Variants in VSIR observed in about 807,000 individuals in gnomAD.
The protein encoded by VSIR is V-set immunoregulatory receptor, also known as V-type immunoglobulin domain-containing suppressor of T-cell activation.
VSIR carries 10 observed loss-of-function variants against 31.0 expected under a neutral mutation model. The ratio of observed to expected loss-of-function variants is 0.32; its 90% CI spans 0.20 to 0.55. The LOEUF (loss-of-function observed/expected upper bound fraction) is 0.55, where lower values mean the gene tolerates loss of function less well. Among genes scored for constraint, VSIR ranks in the 20% least tolerant of loss-of-function variants. The pLI is 0.93. For missense variants in VSIR, 356 were observed against 416.2 expected, an observed-to-expected ratio of 0.86 and a Z score of 1.26; for synonymous variants, 179 against 180.1, an observed-to-expected ratio of 0.99 and a Z score of 0.05.
At position 71,755,786 on chromosome 10, in the gene VSIR, C is replaced by T. The variant is rs924567333; in HGVS notation, c.569-320G>A. On this transcript the variant is annotated intron_variant, in intron 3 of 6. Transcript: ENST00000394957. The stretch of plus-strand genomic sequence containing the variant: ...GGTACAGCTGGAACACCCTTGGCTA[C>T]AGGTTGTTCTCTGAAAAGGGAGAGC... 2.0e-5 allele frequency among the ~76,000 whole-genome samples: 3 copies of T among 152,288 alleles called. No homozygotes were observed. In the East Asian group the frequency reaches 5.8e-4, roughly 29 times the overall value.
intron 3 of VSIR, among the ~76,000 whole-genome samples, chr10:71,756,252 T>C (rs1840144468): frequency 6.6e-6 from 1 of 152,238 alleles, no homozygotes; most frequent in Non-Finnish European, 1.5e-5. Context: ...TTTTGTGTTA[T>C]GGTCCTAGTT....
intron 2 of VSIR, 112 bp downstream of exon 2, chr10:71,761,486 A>C (rs1840382709): frequency 3.4e-5 from 43 of 1,264,724 alleles, no homozygotes; most frequent in Non-Finnish European, 4.4e-5. Context: ...CTGGAGTGCC[A>C]GTGTTACCCA....
chr10:71,766,766 T>C (rs2166633), intron 1 of VSIR, among the ~76,000 whole-genome samples: 137,391 of 152,168 alleles, frequency 0.9, 62,299 homozygotes, highest in African/African-American at 0.97. Context: ...GGCCACACAG[T>C]GCTGTGTGAC....
chr10:71,753,153 G>T, intron 4 of VSIR, 151 bp from the exon 5 acceptor site: 8 of 766,678 alleles, frequency 1.0e-5, no homozygotes, highest in Non-Finnish European at 1.5e-5. Flanking sequence ...TCACATGGGT[G>T]CTGTCCAGCA....
intron 1 of VSIR, among the ~76,000 whole-genome samples, chr10:71,771,695 G>A (rs1442064143): frequency 6.6e-6 from 1 of 152,216 alleles, no homozygotes; most frequent in Non-Finnish European, 1.5e-5. Flanking sequence ...AGGAAGAGAT[G>A]ACCCTTTAGT....
chr10:71,771,616 T>C (rs1190523206), intron 1 of VSIR, among the ~76,000 whole-genome samples: 1 of 152,232 alleles, frequency 6.6e-6, no homozygotes, highest in African/African-American at 2.4e-5. Context: ...CCCAGAGCAA[T>C]TCAAATGCTT....
At chr10:71,755,984 A>G (rs746903978) in intron 3 of VSIR, among the ~76,000 whole-genome samples, 22 of 152,206 alleles carry the variant, frequency 1.4e-4, no homozygotes, top group Non-Finnish European at 5.9e-5. Flanking sequence ...ATGTTTTATC[A>G]TAATAGATAA....
At chr10:71,765,686 C>T (rs556688850) in intron 1 of VSIR, among the ~76,000 whole-genome samples, 10 of 152,090 alleles carry the variant, frequency 6.6e-5, no homozygotes, top group African/African-American at 9.7e-5. Flanking sequence ...TCAGGGAGTA[C>T]GGGAGAGGGG....
Position 71,748,926 on chromosome 10 carries a change from A to C in VSIR, c.*2327T>G, listed in dbSNP as rs530789941. 1.1e-4 allele frequency: 17 copies of C among 153,040 alleles called. No individual in the cohort carries two copies. The highest frequency in any genetic ancestry group is 3.4e-4 in the African/African-American group (14 of 41,598). The allele number at this position is 153,040 out of a possible 1,614,324, so 9.5% of individuals were successfully genotyped here. ...GGAGCTCAGAGTAAATTTCGCTGAA[A>C]ACAGGAAACCACGAAGCCCAGATGC... On this transcript the variant is annotated 3_prime_UTR_variant, in exon 7 of 7. Transcript: ENST00000394957.
At position 71,773,463 on chromosome 10, in the gene VSIR, A is replaced by T. The variant is rs190144328; in HGVS notation, c.-24T>A. On this transcript the variant is annotated 5_prime_UTR_variant, in exon 1 of 7. Coordinates refer to ENST00000394957, the MANE Select transcript of VSIR (RefSeq NM_022153.2). The stretch of plus-strand genomic sequence containing the variant: ...ATGTCGCCGTCGGACGCGCAGAGGA[A>T]CTTCTGGTGCCGGGGAGCGGGCGGG... 410 of 1,574,470 alleles carry T rather than the reference A, an allele frequency of 2.6e-4. 3 individuals are homozygous for T. The South Asian group carries it at 4.5e-3, about 17-fold the overall frequency.
Position 71,761,724 on chromosome 10 carries a change from A to C in VSIR, c.385T>G (p.Phe129Val). 6.2e-7 allele frequency: 1 copy of C among 1,614,080 alleles called. No homozygotes were observed. Among genetic ancestry groups the C allele is most frequent in the Non-Finnish European group, 8.5e-7 (1 of 1,180,024 alleles). Residue 129 changes from phenylalanine to valine, a missense_variant, in exon 2 of 7, where the codon TTC becomes GTC. Transcript: ENST00000394957. Reference protein sequence around the residue: ...LESASDHHGNFSITMRNLTLL... With the variant: ...LESASDHHGNVSITMRNLTLL... ...GTCAGGTTGCGCATGGTGATGGAGA[A>C]GTTGCCATGGTGGTCGGAGGCCGAC...
At position 71,751,000 on chromosome 10, in the gene VSIR, G is replaced by T; in HGVS notation, c.*253C>A. On this transcript the variant is annotated 3_prime_UTR_variant, in exon 7 of 7. Coordinates refer to ENST00000394957, the MANE Select transcript of VSIR (RefSeq NM_022153.2). ...TGTAAGTCATTTGGCATCTGTAGCT[G>T]GTGAATTTCAGGTCTCTAGGGGAGA... is the stretch of plus-strand genomic sequence containing the variant. 1 of 459,574 alleles carries T rather than the reference G, an allele frequency of 2.2e-6. No individual in the cohort carries two copies. Among genetic ancestry groups the T allele is most frequent in the Non-Finnish European group, 3.9e-6 (1 of 256,720 alleles). The allele number at this position is 459,574 out of a possible 1,614,324, so 28.5% of individuals were successfully genotyped here.
chr10:71,760,568 T>C, intron 3 of VSIR: 1 of 302,006 alleles, frequency 3.3e-6, no homozygotes, highest in Non-Finnish European at 6.3e-6. Flanking sequence ...GGCACTTAGC[T>C]GCCTGGGGCA....
intron 1 of VSIR, 130 bp from the exon 2 acceptor site, chr10:71,762,156 T>A (rs1468011046): frequency 9.4e-7 from 1 of 1,059,216 alleles, no homozygotes; most frequent in African/African-American, 1.6e-5. Context: ...CTGACCTCCC[T>A]AAGACTGCCT....
intron 4 of VSIR, among the ~76,000 whole-genome samples, chr10:71,754,608 C>T (rs1250402468): frequency 6.6e-6 from 1 of 152,162 alleles, no homozygotes; most frequent in Non-Finnish European, 1.5e-5. Flanking sequence ...GATGTTTGTG[C>T]CCATGACTTA....
At chr10:71,765,200 C>A (rs906192585) in intron 1 of VSIR, among the ~76,000 whole-genome samples, 2 of 152,244 alleles carry the variant, frequency 1.3e-5, no homozygotes, top group African/African-American at 4.8e-5. Context: ...GCTTCTGCCC[C>A]TTTCTCCCTT....
chr10:71,753,127 C>T (rs371997814), intron 4 of VSIR, 125 bp from the exon 5 acceptor site: 310 of 1,129,746 alleles, frequency 2.7e-4, no homozygotes, highest in Non-Finnish European at 3.4e-4. Flanking sequence ...TGCACAGCTC[C>T]GGACTCCATT....
chr10:71,761,758 G>A lies in VSIR; in HGVS notation c.351C>T (p.His117=), dbSNP rs750196284. ...GGTGGTCGGAGGCCGACTCCAGCCC[G>A]TGGCGCTGAGCCAGGTCGTGGCTGG... ...ANTSHDLAQR[H]GLESASDHHG... The change falls in exon 2 of 7, where the codon CAC becomes CAT. Residue 117 remains histidine, a synonymous_variant. Transcript: ENST00000394957. 19 of 1,614,038 alleles carry A rather than the reference G, an allele frequency of 1.2e-5. No individual in the cohort carries two copies. Among genetic ancestry groups the A allele is most frequent in the East Asian group, 2.2e-5 (1 of 44,900 alleles).
At position 71,748,935 on chromosome 10, in the gene VSIR, C is replaced by T. The variant is rs1033306282; in HGVS notation, c.*2318G>A. The T allele has an allele frequency of 6.5e-6, 1 of 152,928 alleles. No homozygotes were observed. Among genetic ancestry groups the T allele is most frequent in the Non-Finnish European group, 1.5e-5 (1 of 68,264 alleles). 9.5% of individuals were successfully genotyped at this position (152,928 alleles called of 1,614,324 possible). On this transcript the variant is annotated 3_prime_UTR_variant, in exon 7 of 7. Coordinates refer to ENST00000394957, the MANE Select transcript of VSIR (RefSeq NM_022153.2). Reference sequence around the variant, plus strand: ...AGTAAATTTCGCTGAAAACAGGAAACCACGAAGCCCAGATGCGTTCAGTTG... The same window carrying T: ...AGTAAATTTCGCTGAAAACAGGAAATCACGAAGCCCAGATGCGTTCAGTTG...
Sources: allele counts gnomAD v4.1 joint callset (sites outside exome capture counted in the v4.1 genomes callset), GRCh38; gene constraint gnomAD v4.1.1; transcripts MANE v1.5; gene names NCBI Gene and HGNC (gene_info 2026-07-23, HGNC 2026-07-21).